GNPTG: variants seen among roughly 807,000 people sequenced by gnomAD.
GNPTG encodes the protein N-acetylglucosamine-1-phosphate transferase subunit gamma, also known as N-acetylglucosamine-1-phosphotransferase subunit gamma.
In GNPTG, 46 loss-of-function variants were observed where a neutral mutation model predicts 43.8. The observed-to-expected ratio is 1.05, with a 90% CI of 0.83 to 1.34. The LOEUF (loss-of-function observed/expected upper bound fraction) is 1.34. Among genes scored for constraint, GNPTG ranks in the 40% most tolerant of loss-of-function variants. GNPTG has a pLI of 0.00. For synonymous variants in GNPTG, 250 were observed against 172.8 expected (o/e 1.45, Z -3.50); for missense variants, 549 against 411.3 (o/e 1.33, Z -2.90).
In GNPTG at chr16:1,361,864, G is replaced by T. The variant is rs369333639; in HGVS notation, c.234-8G>T. ...TGCGGACCCCCCTCATGCCATCTGT[G>T]TCCCCAGGTACAAGTATGAGTTCTG... On this transcript the variant is annotated splice_polypyrimidine_tract_variant and splice_region_variant and intron_variant, in intron 4 of 10. Coordinates refer to ENST00000204679, the MANE Select transcript of GNPTG (RefSeq NM_032520.5). 99 of 1,613,820 alleles carry T rather than the reference G, an allele frequency of 6.1e-5. No homozygotes were observed. Among genetic ancestry groups the T allele is most frequent in the Non-Finnish European group, 8.2e-5 (97 of 1,180,046 alleles).
intron 3 of GNPTG, 176 bp from the exon 4 acceptor site, chr16:1,361,567 A>C (rs921988936): frequency 5.9e-5 from 39 of 656,700 alleles, no homozygotes; most frequent in East Asian, 1.8e-4. Flanking sequence ...TGGCGTGAAC[A>C]TGGGAGGCGG....
At chr16:1,360,106 CA>C (rs57898693) in intron 3 of GNPTG, among the ~76,000 whole-genome samples, 7,250 of 143,798 alleles carry the variant, frequency 0.05, 236 homozygotes, top group Middle Eastern at 0.18. Flanking sequence ...GACTCCGTCT[CA>C]AAAAAAAAAA....
rs998330228 is a variant in GNPTG, at chr16:1,362,308, C to G, written c.514C>G (p.His172Asp). The G allele has an allele frequency of 6.2e-7, 1 of 1,613,022 alleles. No individual in the cohort carries two copies. The highest frequency in any genetic ancestry group is 8.5e-7 in the Non-Finnish European group (1 of 1,179,830). Residue 172 changes from histidine (H) to aspartate (D), a missense_variant, in exon 7 of 11, where the codon CAC (histidine) becomes GAC (aspartate). By Grantham distance (81) the His-to-Asp change is moderately conservative (BLOSUM62 -1). Transcript: ENST00000204679. ...CGAGACCCCCCTCGTCTGCCACCCC[C>G]ACGCCTTGCTAGGTAGGGGTGCGGG... ...TFETPLVCHP[H>D]ALLVYPTLPE...
rs376327160 is a variant in GNPTG at position 1,361,867 on chromosome 16, C to G, written c.234-5C>G. 9 of 1,613,816 alleles carry G rather than the reference C, an allele frequency of 5.6e-6. No individual in the cohort carries two copies. Among genetic ancestry groups the G allele is most frequent in the Non-Finnish European group, 7.6e-6 (9 of 1,180,026 alleles). On this transcript the variant is annotated splice_polypyrimidine_tract_variant and splice_region_variant and intron_variant, in intron 4 of 10. Transcript: ENST00000204679. ...GGACCCCCCTCATGCCATCTGTGTC[C>G]CCAGGTACAAGTATGAGTTCTGCCC...
At chr16:1,361,420 G>A (rs1021425868) in intron 3 of GNPTG, 43 of 360,004 alleles carry the variant, frequency 1.2e-4, no homozygotes, top group South Asian at 9.3e-4. Flanking sequence ...CGAGGTGGGT[G>A]GATCACGAGG....
chr16:1,360,346 C>T (rs774661391), intron 3 of GNPTG, among the ~76,000 whole-genome samples: 6 of 152,176 alleles, frequency 3.9e-5, no homozygotes, highest in East Asian at 3.9e-4. Flanking sequence ...TCTTTCAGGC[C>T]GGGCATAGTG....
chr16:1,353,796 A>G (rs2034725508), intron 3 of GNPTG, among the ~76,000 whole-genome samples: 1 of 152,204 alleles, frequency 6.6e-6, no homozygotes, highest in South Asian at 2.1e-4. Flanking sequence ...TGCTTTAAAT[A>G]GGGTGCTGAG....
At chr16:1,357,958 C>T (rs768264913) in intron 3 of GNPTG, 4 of 152,492 alleles carry the variant, frequency 2.6e-5, no homozygotes, top group Non-Finnish European at 5.9e-5. Context: ...CCTCCACGGC[C>T]CAAGCCCCAG....
intron 3 of GNPTG, among the ~76,000 whole-genome samples, chr16:1,355,293 C>T (rs1237446183): frequency 2.0e-5 from 3 of 152,172 alleles, no homozygotes; most frequent in South Asian, 2.1e-4. Context: ...TCAACATCAA[C>T]GTGTGAGGCG....
chr16:1,358,812 C>T (rs1012067497), intron 3 of GNPTG: 1 of 152,112 alleles, frequency 6.6e-6, no homozygotes, highest in South Asian at 2.1e-4. Context: ...TTTTAATTTG[C>T]ATTTCCCTAA....
chr16:1,352,365 A>G, intron 3 of GNPTG, 59 bp downstream of exon 3: 1 of 1,482,370 alleles, frequency 6.7e-7, no homozygotes, highest in Non-Finnish European at 9.2e-7. Flanking sequence ...GCAACAGTGG[A>G]GGATGGATGA....
At chr16:1,355,051 A>G (rs2034751613) in intron 3 of GNPTG, among the ~76,000 whole-genome samples, 1 of 151,150 alleles carries the variant, frequency 6.6e-6, no homozygotes, top group Admixed American at 6.6e-5. Context: ...TCGGGTGTGG[A>G]TGGTCTGCCG....
At chr16:1,360,337 C>T (rs945586497) in intron 3 of GNPTG, among the ~76,000 whole-genome samples, 2 of 152,154 alleles carry the variant, frequency 1.3e-5, no homozygotes, top group South Asian at 2.1e-4. Context: ...TGAAGTTAGT[C>T]TTTCAGGCCG....
chr16:1,361,679 C>A, intron 3 of GNPTG, 64 bp from the exon 4 acceptor site: 2 of 1,560,886 alleles, frequency 1.3e-6, no homozygotes, highest in South Asian at 1.1e-5. Context: ...AAAACAGACT[C>A]TGCCAGTCTT....
rs144378486 is a variant in GNPTG at position 1,354,470 on chromosome 16, C to T, written c.178+2164C>T. Reference sequence around the variant, plus strand: ...GCATAGTGGTATCCTCCTGTAATCCCAGCTGCTTGGGAGGCCGAGGCTGGA... The same window carrying T: ...GCATAGTGGTATCCTCCTGTAATCCTAGCTGCTTGGGAGGCCGAGGCTGGA... On this transcript the variant is annotated intron_variant, in intron 3 of 10. Coordinates refer to ENST00000204679, the MANE Select transcript of GNPTG (RefSeq NM_032520.5). 5.3e-3 allele frequency among the ~76,000 whole-genome samples: 804 copies of T among 151,264 alleles called. 8 individuals are homozygous for T. The highest frequency in any genetic ancestry group is 0.018 in the African/African-American group (749 of 41,194).
Position 1,362,821 on chromosome 16 carries a change from G to C in GNPTG, c.742-4G>C, listed in dbSNP as rs2034936618. The C allele has an allele frequency of 6.2e-7, 1 of 1,613,990 alleles. No homozygotes were observed. The highest frequency in any genetic ancestry group is 8.5e-7 in the Non-Finnish European group (1 of 1,180,022). ...TTCCCTTGAACTCTTTTTGTGGTTG[G>C]TAGGCTCATAAAGAACTCTCAAAGG... On this transcript the variant is annotated splice_polypyrimidine_tract_variant and splice_region_variant and intron_variant, in intron 9 of 10. Coordinates refer to ENST00000204679, the MANE Select transcript of GNPTG (RefSeq NM_032520.5).
Position 1,364,063 on chromosome 16 carries a change from A to G in GNPTG, c.*972A>G, listed in dbSNP as rs1403943515. 6.6e-6 allele frequency: 1 copy of G among 152,260 alleles called. No individual in the cohort carries two copies. Among genetic ancestry groups the G allele is most frequent in the Non-Finnish European group, 1.5e-5 (1 of 68,052 alleles). 9.4% of individuals were successfully genotyped at this position (152,260 alleles called of 1,614,324 possible). On this transcript the variant is annotated 3_prime_UTR_variant, in exon 11 of 11. Transcript: ENST00000204679. ...TATCCCAGAAAAGACCAGAGGCTCC[A>G]AATGGGAACCAAGTGCATAAATACA...
intron 6 of GNPTG, 22 bp downstream of exon 6, chr16:1,362,153 C>T (rs768465491): frequency 8.7e-5 from 141 of 1,612,464 alleles, no homozygotes; most frequent in Non-Finnish European, 1.1e-4. Context: ...GACGGGAGCC[C>T]GGGAAGAGGG....
Position 1,352,103 on chromosome 16 carries a change from G to A in GNPTG, c.54G>A (p.Gly18=). 1 of 1,571,276 alleles carries A rather than the reference G, an allele frequency of 6.4e-7. No homozygotes were observed. Among genetic ancestry groups the A allele is most frequent in the Non-Finnish European group, 8.6e-7 (1 of 1,159,932 alleles). ...LLLLLGLSAG[G]PAPAGAAKMK... ...CGCTCACGGTCTCGCTCCCCGTAGG[G>A]CCCGCGCCGGCAGGTGCAGCGAAGA... is the stretch of plus-strand genomic sequence containing the variant. The change falls in exon 2 of 11, where the codon GGG becomes GGA. Residue 18 remains glycine (G), a splice_region_variant and synonymous_variant. Transcript: ENST00000204679.
Sources: gnomAD v4.1 joint callset for allele counts (sites outside exome capture counted in the v4.1 genomes callset) on GRCh38, gnomAD v4.1.1 for gene constraint, MANE v1.5 for transcripts, NCBI Gene and HGNC (gene_info 2026-07-23, HGNC 2026-07-21) for gene names.